The following GRN variants were observed in gnomAD, a reference collection of about 807,000 sequenced individuals.
The protein encoded by GRN is progranulin.
GRN carries 30 observed loss-of-function variants against 66.7 expected under a neutral mutation model. The observed-to-expected ratio is 0.45, with a 90% CI of 0.34 to 0.61. GRN has a LOEUF of 0.61. GRN is among the 20% of genes least tolerant of loss of function. The pLI is 0.01. For missense variants in GRN, 731 were observed against 803.5 expected (o/e 0.91, Z 1.09); for synonymous variants, 327 against 311.1 (o/e 1.05, Z -0.54).
At chr17:44,348,527 G>A (rs2048342084) in intron 1 of GRN, among the ~76,000 whole-genome samples, 1 of 152,210 alleles carries the variant, frequency 6.6e-6, no homozygotes, top group South Asian at 2.1e-4. Flanking sequence ...GGGTGAGGAG[G>A]GGACATTCAT....
At chr17:44,347,652 C>G (rs535803786) in intron 1 of GRN, among the ~76,000 whole-genome samples, 2 of 111,352 alleles carry the variant, frequency 1.8e-5, no homozygotes, top group South Asian at 7.6e-4. Context: ...TCAGTTTCCT[C>G]CTTTAAAATA....
At chr17:44,347,777 C>A (rs898453546) in intron 1 of GRN, among the ~76,000 whole-genome samples, 1 of 151,768 alleles carries the variant, frequency 6.6e-6, no homozygotes, top group Admixed American at 6.6e-5. Flanking sequence ...TATGGTGAAA[C>A]CCCCTCTCTG....
In GRN at chr17:44,352,656, T is replaced by G; in HGVS notation, c.1645-5T>G. 6.2e-7 allele frequency: 1 copy of G among 1,609,894 alleles called. No homozygotes were observed. Among genetic ancestry groups the G allele is most frequent in the African/African-American group, 1.3e-5 (1 of 75,044 alleles). ...CAACCCTCTCGCCCCCCTCTGACCA[T>G]CCAGGGCGTCTGTTGTGCTGATCGG... On this transcript the variant is annotated splice_region_variant and splice_polypyrimidine_tract_variant and intron_variant, in intron 12 of 12. Coordinates refer to ENST00000053867, the MANE Select transcript of GRN (RefSeq NM_002087.4).
rs63751193 is a variant in GRN at position 44,349,528 on chromosome 17, TC to T, written c.243del (p.Ser82ValfsTer174). The T allele has an allele frequency of 6.2e-7, 1 of 1,614,200 alleles. No individual in the cohort carries two copies. The highest frequency in any genetic ancestry group is 8.5e-7 in the Non-Finnish European group (1 of 1,180,034). On this transcript the variant is annotated frameshift_variant, in exon 3 of 13. Transcript: ENST00000053867. LOFTEE classifies it high-confidence loss of function. ...CTGCATCTTTACCGTCTCAGGGACTTCCAGTTGCTGCCCCTTCCCAGAGGTG... is the reference window on the plus strand; with the variant it reads ...CTGCATCTTTACCGTCTCAGGGACTTCAGTTGCTGCCCCTTCCCAGAGGTG... ...HSCIFTVSGT[S>X]SCCPFPEAVA...
Position 44,350,248 on chromosome 17 carries a change from A to T in GRN, c.370A>T (p.Ile124Phe). The T allele has an allele frequency of 6.2e-7, 1 of 1,613,598 alleles. No homozygotes were observed. The highest frequency in any genetic ancestry group is 8.5e-7 in the Non-Finnish European group (1 of 1,179,568). The change falls in exon 5 of 13, where the codon ATC becomes TTC. Residue 124 changes from isoleucine to phenylalanine, a missense_variant. Around this residue, in one of 3 missense-constraint regions of GRN, gnomAD observed 370 missense variants for 379.8 expected, o/e 0.97. Transcript: ENST00000053867. ...QRSGNNSVGAIQCPDSQFECP... is the reference protein window; with the variant it reads ...QRSGNNSVGAFQCPDSQFECP... ...CACAGGTAACAACTCCGTGGGTGCC[A>T]TCCAGTGCCCTGATAGTCAGTTCGA...
rs149658268 is a variant in GRN at position 44,352,568 on chromosome 17, C to T, written c.1641C>T (p.Arg547=). 37 of 1,613,036 alleles carry T rather than the reference C, an allele frequency of 2.3e-5. No homozygotes were observed. Among genetic ancestry groups the T allele is most frequent in the African/African-American group, 8.0e-5 (6 of 74,946 alleles). Residue 547 remains arginine, a synonymous_variant, in exon 12 of 13, where the codon CGC becomes CGT. Transcript: ENST00000053867. ...AGGGCTGGGCCTGCTGTCCCTACCGCCAGGTCAGTGCCAACCCCCATCCTG... is the reference window on the plus strand; with the variant it reads ...AGGGCTGGGCCTGCTGTCCCTACCGTCAGGTCAGTGCCAACCCCCATCCTG... ...NRQGWACCPY[R]QGVCCADRRH... is the part of the protein sequence containing the mutation.
At chr17:44,350,130 G>A in intron 4 of GRN, 98 bp from the exon 5 acceptor site, 2 of 864,322 alleles carry the variant, frequency 2.3e-6, no homozygotes, top group Middle Eastern at 2.2e-4. Context: ...AACCCCAGTA[G>A]CTGGGCTTGC....
At chr17:44,350,197 C>A in intron 4 of GRN, 31 bp from the exon 5 acceptor site, 1 of 1,462,532 alleles carries the variant, frequency 6.8e-7, no homozygotes, top group Non-Finnish European at 9.6e-7. Context: ...CCTGAGTGGG[C>A]TGGTAGTATC....
chr17:44,349,073 G>T (rs1424002689), intron 1 of GRN, 85 bp from the exon 2 acceptor site: 13 of 1,463,952 alleles, frequency 8.9e-6, no homozygotes, highest in Admixed American at 1.7e-5. Context: ...CAGGACCTTG[G>T]CCTGGGGCTA....
Position 44,352,350 on chromosome 17 carries a change from TGCGAGGATC to T in GRN, c.1426_1434del (p.Glu476_Arg478del). 6.2e-7 allele frequency: 1 copy of T among 1,613,284 alleles called. No homozygotes were observed. Among genetic ancestry groups the T allele is most frequent in the Non-Finnish European group, 8.5e-7 (1 of 1,179,822 alleles). Reference sequence around the variant, plus strand: ...CTCCCTTCCCCGCCAGGCTGTGTGCTGCGAGGATCGCCAGCACTGCTGCCCGGCTGGCTA... The same window carrying T: ...CTCCCTTCCCCGCCAGGCTGTGTGCTGCCAGCACTGCTGCCCGGCTGGCTA... On this transcript the variant is annotated inframe_deletion, in exon 12 of 13. Transcript: ENST00000053867.
chr17:44,353,061 T>A lies in GRN; in HGVS notation c.*263T>A. ...TTTTCCCTATCCACAGGGGTGTTTG[T>A]GTGTGTGCGCGTGTGCGTTTCAATA... is the stretch of plus-strand genomic sequence containing the variant. On this transcript the variant is annotated 3_prime_UTR_variant, in exon 13 of 13. Coordinates refer to ENST00000053867, the MANE Select transcript of GRN (RefSeq NM_002087.4). 1 of 588,082 alleles carries A rather than the reference T, an allele frequency of 1.7e-6. No homozygotes were observed. Among genetic ancestry groups the A allele is most frequent in the South Asian group, 2.0e-5 (1 of 50,168 alleles). 36.4% of individuals were successfully genotyped at this position (588,082 alleles called of 1,614,324 possible).
At position 44,351,471 on chromosome 17, in the gene GRN, G is replaced by A. The variant is rs373518235; in HGVS notation, c.933+11G>A. On this transcript the variant is annotated intron_variant, in intron 9 of 12. Transcript: ENST00000053867. ...TGCCCTTTTACCCAGGTACCCAGGG[G>A]TGGCGGGTGGGTGGGCTGAGCACAG... 3.5e-5 allele frequency: 57 copies of A among 1,611,300 alleles called. No homozygotes were observed. Among genetic ancestry groups the A allele is most frequent in the Non-Finnish European group, 4.2e-5 (50 of 1,177,732 alleles).
chr17:44,346,413 C>T (rs1323439780), intron 1 of GRN, among the ~76,000 whole-genome samples: 8 of 152,156 alleles, frequency 5.3e-5, no homozygotes, highest in Admixed American at 5.2e-4. Context: ...CTGCCCCTCC[C>T]CCCGCAGTGG....
chr17:44,351,356 C>T lies in GRN; in HGVS notation c.836-7C>T, dbSNP rs1598364646. 6 of 1,608,232 alleles carry T rather than the reference C, an allele frequency of 3.7e-6. No homozygotes were observed. The African/African-American group carries it at 4.0e-5, about 11-fold the overall frequency. The stretch of plus-strand genomic sequence containing the variant: ...CTTCTGACCTGTCCTCTCTGCTTCC[C>T]TCACAGTGGGGGATGTGAAATGTGA... On this transcript the variant is annotated splice_polypyrimidine_tract_variant and splice_region_variant and intron_variant, in intron 8 of 12. Transcript: ENST00000053867.
chr17:44,346,731 C>G (rs1000038539), intron 1 of GRN, among the ~76,000 whole-genome samples: 4 of 152,178 alleles, frequency 2.6e-5, no homozygotes, highest in Non-Finnish European at 4.4e-5. Context: ...TCTGTGGGTG[C>G]TCAAGCCCCT....
intron 4 of GRN, 124 bp downstream of exon 4, chr17:44,349,875 T>G (rs1266776677): frequency 1.4e-6 from 1 of 720,342 alleles, no homozygotes; most frequent in Admixed American, 2.1e-5. Context: ...GTGGCATCTG[T>G]ACTAAGCAAC....
rs201694854 is a variant in GRN at position 44,350,561 on chromosome 17, G to A, written c.582G>A (p.Gln194=). Residue 194 remains glutamine (Q), a synonymous_variant, in exon 6 of 13, where the codon CAG becomes CAA. Transcript: ENST00000053867. ...CCCTGGCAAAGAAGCTCCCTGCCCA[G>A]AGGACTAACAGGGCAGGTGAGGAGG... ...THPLAKKLPA[Q]RTNRAVALSS... is the part of the protein sequence containing the mutation. 18 of 1,613,946 alleles carry A rather than the reference G, an allele frequency of 1.1e-5. No individual in the cohort carries two copies. In the East Asian group the frequency reaches 3.3e-4, roughly 30 times the overall value.
Position 44,350,682 on chromosome 17 carries a change from C to G in GRN, c.599-9C>G, listed in dbSNP as rs1215727020. 1 of 1,613,256 alleles carries G rather than the reference C, an allele frequency of 6.2e-7. No individual in the cohort carries two copies. Among genetic ancestry groups the G allele is most frequent in the East Asian group, 2.2e-5 (1 of 44,876 alleles). ...TCCTGGCTGCCCCTCACGTTTGCTC[C>G]TCTTCCAGTGGCCTTGTCCAGCTCG... On this transcript the variant is annotated splice_polypyrimidine_tract_variant and intron_variant, in intron 6 of 12. Coordinates refer to ENST00000053867, the MANE Select transcript of GRN (RefSeq NM_002087.4).
intron 1 of GRN, among the ~76,000 whole-genome samples, chr17:44,348,215 C>T (rs1389812526): frequency 6.6e-6 from 1 of 152,208 alleles, no homozygotes; most frequent in African/African-American, 2.4e-5. Flanking sequence ...TATGAGTTAC[C>T]TCTCTGGCCA....
Sources: gnomAD v4.1 joint callset for allele counts (sites outside exome capture counted in the v4.1 genomes callset) on GRCh38, gnomAD v4.1.1 for gene constraint, gnomAD v4.1.1 regional missense constraint, MANE v1.5 for transcripts, NCBI Gene and HGNC (gene_info 2026-07-23, HGNC 2026-07-21) for gene names.